Variants in KCNQ1 observed in about 807,000 individuals in gnomAD.
The protein encoded by KCNQ1 is potassium voltage-gated channel subfamily KQT member 1.
In KCNQ1, 49 loss-of-function variants were observed where a neutral mutation model predicts 72.4. That is an observed-to-expected ratio of 0.68 (90% CI 0.54 to 0.86). The LOEUF is 0.86. Among genes scored for constraint, KCNQ1 ranks in the 40% least tolerant of loss-of-function variants. The pLI, the probability that KCNQ1 is intolerant of heterozygous loss-of-function variation, is 0.00. For synonymous variants in KCNQ1, 450 were observed against 412.6 expected (o/e 1.09, Z -1.10); for missense variants, 790 against 945.1 (o/e 0.84, Z 2.15).
chr11:2,765,805 A>G (rs1229207936), intron 11 of KCNQ1, among the ~76,000 whole-genome samples: 1 of 152,030 alleles, frequency 6.6e-6, no homozygotes, highest in African/African-American at 2.4e-5. Context: ...ATCTTTTTCT[A>G]TCCTTTCCCA....
chr11:2,582,052 G>T (rs554704020), intron 6 of KCNQ1, among the ~76,000 whole-genome samples: 202 of 152,356 alleles, frequency 1.3e-3, no homozygotes, highest in African/African-American at 4.6e-3. Flanking sequence ...GCTCAGCAGA[G>T]GCCTGTCCCG....
At chr11:2,643,101 GT>G in intron 10 of KCNQ1, 6 of 398,148 alleles carry the variant, frequency 1.5e-5, no homozygotes, top group Middle Eastern at 6.3e-4. Context: ...CCTGGAGAGT[GT>G]TCCATGTACT....
chr11:2,841,283 C>T (rs1334366603), intron 15 of KCNQ1, among the ~76,000 whole-genome samples: 1 of 152,170 alleles, frequency 6.6e-6, no homozygotes, highest in Non-Finnish European at 1.5e-5. Context: ...TCTGGGGGCA[C>T]TGCAAAAGGA....
chr11:2,536,148 C>T lies in KCNQ1; in HGVS notation c.477+8130C>T, dbSNP rs770627485. On this transcript the variant is annotated intron_variant, in intron 2 of 15. Transcript: ENST00000155840. The surrounding 1 kb of genome is among the most constrained non-coding windows in gnomAD (Gnocchi z 7.4). ...GCTGCTGAAGGAAGGCTGGTCCGCT[C>T]CCTGCCTGTGACAGGAGCTCAGGCT... 1.3e-5 allele frequency among the ~76,000 whole-genome samples: 2 copies of T among 152,172 alleles called. No homozygotes were observed. Among genetic ancestry groups the T allele is most frequent in the Non-Finnish European group, 2.9e-5 (2 of 68,028 alleles).
At chr11:2,699,049 C>G in intron 11 of KCNQ1, 2 of 398,656 alleles carry the variant, frequency 5.0e-6, no homozygotes, top group Non-Finnish European at 4.4e-6. Context: ...GGTCCCAATT[C>G]GGGCTTTGAC....
At chr11:2,829,730 G>C (rs1361482343) in intron 15 of KCNQ1, among the ~76,000 whole-genome samples, 2 of 152,128 alleles carry the variant, frequency 1.3e-5, no homozygotes, top group Non-Finnish European at 2.9e-5. Flanking sequence ...TAAATGTGTA[G>C]TTTGGAAATG....
chr11:2,674,273 C>T lies in KCNQ1; in HGVS notation c.1514+12192C>T. 2.5e-6 allele frequency: 1 copy of T among 398,644 alleles called. No individual in the cohort carries two copies. Among genetic ancestry groups the T allele is most frequent in the Non-Finnish European group, 4.4e-6 (1 of 226,108 alleles). 24.7% of individuals were successfully genotyped at this position (398,644 alleles called of 1,614,324 possible). On this transcript the variant is annotated intron_variant, in intron 11 of 15. Transcript: ENST00000155840. The surrounding 1 kb of genome is among the most constrained non-coding windows in gnomAD (Gnocchi z 5.9). Reference sequence around the variant, plus strand: ...CCCCTCTCTCCCAGCCCCCGGCACACACACTAGGACCTTTCTTCATCATGC... The same window carrying T: ...CCCCTCTCTCCCAGCCCCCGGCACATACACTAGGACCTTTCTTCATCATGC...
intron 10 of KCNQ1, among the ~76,000 whole-genome samples, chr11:2,606,397 C>G (rs1301884934): frequency 2.0e-5 from 3 of 152,114 alleles, no homozygotes; most frequent in Non-Finnish European, 4.4e-5. Context: ...ATGGACGGAG[C>G]CCTCGTGAAT....
Position 2,475,547 on chromosome 11 carries a change from G to A in KCNQ1, c.386+30063G>A, listed in dbSNP as rs1846557383. On this transcript the variant is annotated intron_variant, in intron 1 of 15. Transcript: ENST00000155840. The surrounding 1 kb of genome is among the most constrained non-coding windows in gnomAD (Gnocchi z 5.8). ...CAAGCACACACACCTAAAGATAGCA[G>A]ACATTCCATTCAACCTTCATCTCAA... is the stretch of plus-strand genomic sequence containing the variant. Among the ~76,000 whole-genome samples, 1 of 152,232 alleles carries A rather than the reference G, an allele frequency of 6.6e-6. No homozygotes were observed. Among genetic ancestry groups the A allele is most frequent in the South Asian group, 2.1e-4 (1 of 4,832 alleles).
intron 1 of KCNQ1, among the ~76,000 whole-genome samples, chr11:2,459,149 C>T (rs1050366976): frequency 6.6e-6 from 1 of 152,198 alleles, no homozygotes; most frequent in Non-Finnish European, 1.5e-5. Context: ...CCCAGCTGGC[C>T]ATGTTACCTC....
At chr11:2,702,979 G>C (rs1159503516) in intron 11 of KCNQ1, among the ~76,000 whole-genome samples, 1 of 152,204 alleles carries the variant, frequency 6.6e-6, no homozygotes, top group Non-Finnish European at 1.5e-5. Context: ...TCCTTTGGGG[G>C]AAGAGTGGAG....
chr11:2,551,626 A>G (rs1485599000), intron 2 of KCNQ1, among the ~76,000 whole-genome samples: 1 of 152,188 alleles, frequency 6.6e-6, no homozygotes, highest in Non-Finnish European at 1.5e-5. Context: ...TGGGAGTGGG[A>G]TTGCGGGATC....
In KCNQ1 at chr11:2,712,186, C is replaced by T. The variant is rs1010381756; in HGVS notation, c.1514+50105C>T. 2.0e-5 allele frequency among the ~76,000 whole-genome samples: 3 copies of T among 152,060 alleles called. No homozygotes were observed. Among genetic ancestry groups the T allele is most frequent in the Non-Finnish European group, 2.9e-5 (2 of 68,012 alleles). Reference sequence around the variant, plus strand: ...TCTCATTTAAGCCATGAACACTTGCCGGCTCTCTATTCATCCACACCCCCT... The same window carrying T: ...TCTCATTTAAGCCATGAACACTTGCTGGCTCTCTATTCATCCACACCCCCT... On this transcript the variant is annotated intron_variant, in intron 11 of 15. Transcript: ENST00000155840. The surrounding 1 kb of genome is among the most constrained non-coding windows in gnomAD (Gnocchi z 6.4).
rs975813738 is a variant in KCNQ1 at position 2,601,437 on chromosome 11, A to G, written c.1393+12583A>G. 3.3e-5 allele frequency among the ~76,000 whole-genome samples: 5 copies of G among 152,234 alleles called. No individual in the cohort carries two copies. Among genetic ancestry groups the G allele is most frequent in the Non-Finnish European group, 7.3e-5 (5 of 68,040 alleles). On this transcript the variant is annotated intron_variant, in intron 10 of 15. Coordinates refer to ENST00000155840, the MANE Select transcript of KCNQ1 (RefSeq NM_000218.3). The surrounding 1 kb of genome is among the most constrained non-coding windows in gnomAD (Gnocchi z 5.2). ...TAGGGATCCCATGCACCCTTTAGTTAGTTTCCGTCAGTGGTAGCATCTTCT... is the reference window on the plus strand; with the variant it reads ...TAGGGATCCCATGCACCCTTTAGTTGGTTTCCGTCAGTGGTAGCATCTTCT...
chr11:2,473,867 G>A lies in KCNQ1; in HGVS notation c.386+28383G>A, dbSNP rs575953731. On this transcript the variant is annotated intron_variant, in intron 1 of 15. Transcript: ENST00000155840. This position sits in a 1 kb window ranked among gnomAD's most constrained non-coding sequence, Gnocchi z 6.0. Reference sequence around the variant, plus strand: ...AGACAGCCGCATGCGCTCACCACTCGCCCTCCACAGATGGGAGCCTGGGAG... The same window carrying A: ...AGACAGCCGCATGCGCTCACCACTCACCCTCCACAGATGGGAGCCTGGGAG... Among the ~76,000 whole-genome samples, 4 of 152,332 alleles carry A rather than the reference G, an allele frequency of 2.6e-5. No homozygotes were observed. In the South Asian group the frequency reaches 8.3e-4, roughly 32 times the overall value.
chr11:2,501,062 TAGTTAAA>T (rs1319559938), intron 1 of KCNQ1, among the ~76,000 whole-genome samples: 1 of 152,164 alleles, frequency 6.6e-6, no homozygotes, highest in African/African-American at 2.4e-5. Flanking sequence ...GGGAAGTTTC[TAGTTAAA>T]AGCACCTGCA....
chr11:2,445,363 C>T lies in KCNQ1; in HGVS notation c.265C>T (p.Pro89Ser), dbSNP rs759092695. The T allele has an allele frequency of 6.3e-7, 1 of 1,597,290 alleles. No individual in the cohort carries two copies. The highest frequency in any genetic ancestry group is 8.5e-7 in the Non-Finnish European group (1 of 1,179,386). Reference protein sequence around the residue: ...LGPRPPVSLDPRVSIYSTRRP... With the variant: ...LGPRPPVSLDSRVSIYSTRRP... ...CCCGCGGCCGCCGGTGAGCCTAGAC[C>T]CGCGCGTCTCCATCTACAGCACGCG... The change falls in exon 1 of 16, where the codon CCG (proline) becomes TCG (serine). Residue 89 changes from proline to serine, a missense_variant. Transcript: ENST00000155840.
chr11:2,649,688 C>G (rs1849728186), intron 10 of KCNQ1: 1 of 398,346 alleles, frequency 2.5e-6, no homozygotes, highest in Non-Finnish European at 4.4e-6. Context: ...CTGTTGATTC[C>G]CTTATATGTG....
chr11:2,680,944 A>G (rs1850386126), intron 11 of KCNQ1: 1 of 398,448 alleles, frequency 2.5e-6, no homozygotes, highest in Non-Finnish European at 4.4e-6. Context: ...AAGCTGATGG[A>G]CACTATTTAC....
Sources: allele counts gnomAD v4.1 joint callset (sites outside exome capture counted in the v4.1 genomes callset), GRCh38; gene constraint gnomAD v4.1.1; non-coding constraint Gnocchi (gnomAD v3.1); transcripts MANE v1.5; gene names NCBI Gene and HGNC (gene_info 2026-07-23, HGNC 2026-07-21).